Variants in CPNE1 observed in about 807,000 individuals in gnomAD.
CPNE1 encodes copine-1.
A neutral mutation model predicts 63.2 loss-of-function variants in CPNE1; 58 were observed. The ratio of observed to expected loss-of-function variants is 0.92; its 90% confidence interval spans 0.74 to 1.14. The LOEUF is 1.14. Among genes scored for constraint, CPNE1 ranks in the 50% most tolerant of loss-of-function variants. The pLI is 0.00. For missense variants in CPNE1, 672 were observed against 661.7 expected (o/e 1.02, Z -0.17); for synonymous variants, 237 against 249.0 (o/e 0.95, Z 0.45).
intron 1 of CPNE1, chr20:35,653,861 G>C (rs1330506011): frequency 1.2e-6 from 2 of 1,613,876 alleles, no homozygotes; most frequent in Non-Finnish European, 1.7e-6. Context: ...TGACGACACA[G>C]AGCAGCCTTA....
At chr20:35,629,015 C>T (rs547315232) in intron 13 of CPNE1, among the ~76,000 whole-genome samples, 26 of 152,340 alleles carry the variant, frequency 1.7e-4, no homozygotes, top group African/African-American at 5.1e-4. Flanking sequence ...TACATAAACA[C>T]ATATTTTTAA....
rs763147085 is a variant in CPNE1 at position 35,626,728 on chromosome 20, C to T, written c.1312G>A (p.Ala438Thr). 6.2e-7 allele frequency: 1 copy of T among 1,614,180 alleles called. No individual in the cohort carries two copies. Among genetic ancestry groups the T allele is most frequent in the South Asian group, 1.1e-5 (1 of 91,082 alleles). ...ATCACTGACATGGGCAGGTTCGAGG[C>T]ACGCACCACAGCCTCACGTGTGGCT... is the stretch of plus-strand genomic sequence containing the variant. ...VEATREAVVR[A>T]SNLPMSVIIV... The change falls in exon 15 of 16, where the codon GCC (alanine) becomes ACC (threonine). Residue 438 changes from alanine (A) to threonine (T), a missense_variant. Coordinates refer to ENST00000397443, the MANE Select transcript of CPNE1 (RefSeq NM_152925.3).
Position 35,626,523 on chromosome 20 carries a change from A to G in CPNE1, c.1473+44T>C, listed in dbSNP as rs764354393. Reference sequence around the variant, plus strand: ...GCCTCAACCCTACTCACATCAGGGAAAGGTGAAAGGGTAAACTCCCAGATC... The same window carrying G: ...GCCTCAACCCTACTCACATCAGGGAGAGGTGAAAGGGTAAACTCCCAGATC... On this transcript the variant is annotated intron_variant, in intron 15 of 15. Transcript: ENST00000397443. 4 of 1,600,576 alleles carry G rather than the reference A, an allele frequency of 2.5e-6. No homozygotes were observed. In the South Asian group the frequency reaches 4.4e-5, roughly 18 times the overall value.
intron 1 of CPNE1, among the ~76,000 whole-genome samples, chr20:35,662,677 G>A (rs750689425): frequency 6.6e-5 from 10 of 152,148 alleles, no homozygotes; most frequent in Non-Finnish European, 1.2e-4. Flanking sequence ...GCAAAATGGA[G>A]TAAAAACTAT....
intron 1 of CPNE1, among the ~76,000 whole-genome samples, chr20:35,636,791 T>A (rs1200339027): frequency 6.6e-6 from 1 of 152,052 alleles, no homozygotes; most frequent in Non-Finnish European, 1.5e-5. Flanking sequence ...ATAATAATAA[T>A]AGGAAGAGTA....
chr20:35,655,329 C>A, intron 1 of CPNE1: 2 of 1,601,662 alleles, frequency 1.2e-6, no homozygotes, highest in Non-Finnish European at 8.5e-7. Context: ...CCATGCTGCG[C>A]TGAAACCACA....
In CPNE1 at chr20:35,659,733, A is replaced by G. The variant is rs1320154574; in HGVS notation, c.-1+5027T>C. 4.6e-5 allele frequency among the ~76,000 whole-genome samples: 7 copies of G among 152,246 alleles called. No individual in the cohort carries two copies. The East Asian group carries it at 1.3e-3, about 29-fold the overall frequency. On this transcript the variant is annotated intron_variant, in intron 1 of 15. Transcript: ENST00000397443. Reference sequence around the variant, plus strand: ...ACATATTAAGAGTATATCCCAAAATAAAAACAGGTCACTCATCTTTCACTG... The same window carrying G: ...ACATATTAAGAGTATATCCCAAAATGAAAACAGGTCACTCATCTTTCACTG...
chr20:35,646,047 G>A (rs78037046), intron 1 of CPNE1, among the ~76,000 whole-genome samples: 2,951 of 151,176 alleles, frequency 0.02, 96 homozygotes, highest in African/African-American at 0.068. Context: ...GTTCAAGACC[G>A]GCCTGAGCCA....
intron 1 of CPNE1, among the ~76,000 whole-genome samples, chr20:35,644,071 GATA>G (rs112379869): frequency 0.045 from 6,800 of 152,228 alleles, 164 homozygotes; most frequent in African/African-American, 0.077. Flanking sequence ...AAGTAGGGAT[GATA>G]ATGTTAACTT....
chr20:35,629,917 G>A (rs6058284), intron 13 of CPNE1, among the ~76,000 whole-genome samples: 10,340 of 152,050 alleles, frequency 0.068, 434 homozygotes, highest in South Asian at 0.18. Context: ...CCTTGGCCTC[G>A]CAACTGAGTG....
chr20:35,664,176 C>A (rs1014033019), intron 1 of CPNE1, among the ~76,000 whole-genome samples: 4 of 152,112 alleles, frequency 2.6e-5, no homozygotes, highest in African/African-American at 7.2e-5. Context: ...TCACTGCAAA[C>A]CCCTCCACCT....
intron 1 of CPNE1, chr20:35,658,840 A>AG: frequency 1.5e-6 from 1 of 649,436 alleles, no homozygotes; most frequent in Non-Finnish European, 2.8e-6. Flanking sequence ...CACACACACA[A>AG]TATAGTTGCT....
At chr20:35,653,402 T>C (rs1344486736) in intron 1 of CPNE1, 3 of 1,614,024 alleles carry the variant, frequency 1.9e-6, no homozygotes, top group Non-Finnish European at 2.5e-6. Flanking sequence ...GGCACAGGCA[T>C]CTTTAATCCC....
In CPNE1 at chr20:35,632,343, G is replaced by A. The variant is rs1024191244; in HGVS notation, c.352C>T (p.Pro118Ser). 1.9e-5 allele frequency: 31 copies of A among 1,614,104 alleles called. No individual in the cohort carries two copies. Among genetic ancestry groups the A allele is most frequent in the Non-Finnish European group, 2.6e-5 (31 of 1,180,004 alleles). ...QVLTLPLMLK[P>S]GKPAGRGTIT... ...GTCCCCCGCCCAGCAGGTTTTCCAG[G>A]CTTCAGCATCAAGGGGAGAGTCAGT... Residue 118 changes from proline (P) to serine (S), a missense_variant, in exon 4 of 16, where the codon CCT becomes TCT. Transcript: ENST00000397443.
intron 1 of CPNE1, chr20:35,653,461 A>G: frequency 6.2e-7 from 1 of 1,614,144 alleles, no homozygotes; most frequent in South Asian, 1.1e-5. Flanking sequence ...CATATCTTCT[A>G]GGGTAACTAC....
chr20:35,664,561 C>T (rs564457432), intron 1 of CPNE1, 199 bp downstream of exon 1: 1 of 152,518 alleles, frequency 6.6e-6, no homozygotes, highest in Non-Finnish European at 1.5e-5. Context: ...CAGGCTCATC[C>T]TCTTGCGTCC....
At chr20:35,661,510 C>CTGA (rs2034229785) in intron 1 of CPNE1, among the ~76,000 whole-genome samples, 2 of 152,236 alleles carry the variant, frequency 1.3e-5, no homozygotes, top group Admixed American at 1.3e-4. Flanking sequence ...ATTAAAGCCA[C>CTGA]TGATATACTT....
chr20:35,658,845 G>T, intron 1 of CPNE1: 4 of 652,720 alleles, frequency 6.1e-6, no homozygotes, highest in East Asian at 2.9e-5. Context: ...ACACAATATA[G>T]TTGCTACATA....
chr20:35,626,196 C>T lies in CPNE1; in HGVS notation c.*45G>A. Reference sequence around the variant, plus strand: ...GGGTTGGGTTGTGGCCCAGAGGGACCTCTGGGACACAGGATTGAGGACTTG... The same window carrying T: ...GGGTTGGGTTGTGGCCCAGAGGGACTTCTGGGACACAGGATTGAGGACTTG... On this transcript the variant is annotated 3_prime_UTR_variant, in exon 16 of 16. Transcript: ENST00000397443. 1.2e-6 allele frequency: 2 copies of T among 1,610,508 alleles called. No individual in the cohort carries two copies. The highest frequency in any genetic ancestry group is 1.7e-6 in the Non-Finnish European group (2 of 1,176,890).
Sources: gnomAD v4.1 joint callset for allele counts (sites outside exome capture counted in the v4.1 genomes callset) on GRCh38, gnomAD v4.1.1 for gene constraint, MANE v1.5 for transcripts, NCBI Gene and HGNC (gene_info 2026-07-23, HGNC 2026-07-21) for gene names.